Variants in TMC4 observed in about 807,000 individuals in gnomAD.
The protein encoded by TMC4 is transmembrane channel like 4, also known as voltage-gated chloride channel TMC4.
Under a neutral mutation model 82.0 loss-of-function variants are expected in TMC4, and 70 were observed. The observed-to-expected ratio is 0.85, with a 90% CI of 0.70 to 1.04. The LOEUF is 1.04. Ranked by LOEUF, TMC4 falls within the 50% of genes least tolerant of loss-of-function variation. The probability of loss-of-function intolerance (pLI) is 0.00; values close to 1 mark genes in which losing one functional copy is unlikely to be tolerated. For missense variants in TMC4, 879 were observed against 899.0 expected, an observed-to-expected ratio of 0.98 and a Z score of 0.28; for synonymous variants, 446 against 406.0, an observed-to-expected ratio of 1.10 and a Z score of -1.18.
In TMC4 at chr19:54,163,827, T is replaced by C; in HGVS notation, c.1174A>G (p.Ile392Val). 1.2e-6 allele frequency: 2 copies of C among 1,614,004 alleles called. No homozygotes were observed. Among genetic ancestry groups the C allele is most frequent in the Admixed American group, 1.7e-5 (1 of 59,994 alleles). ...ACAAAATTGACCCCAGCGATGAAGA[T>C]GGACGGAAGGTAATTCACCCCAAGC... ...LKLGVNYLPS[I>V]FIAGVNFVLP... The change falls in exon 8 of 15, where the codon ATC becomes GTC. Residue 392 changes from isoleucine to valine, a missense_variant. Transcript: ENST00000619895.
intron 11 of TMC4, among the ~76,000 whole-genome samples, 168 bp downstream of exon 11, chr19:54,161,934 G>C (rs568264566): frequency 2.6e-5 from 4 of 152,146 alleles, no homozygotes; most frequent in African/African-American, 9.6e-5. Flanking sequence ...AGACATATAA[G>C]TCAGAATGCC....
chr19:54,164,710 C>G, intron 6 of TMC4, 109 bp from the exon 7 acceptor site: 2 of 1,409,936 alleles, frequency 1.4e-6, no homozygotes, highest in Non-Finnish European at 1.9e-6. Context: ...CTGATGCAGC[C>G]GTCTCCCCAC....
At position 54,162,618 on chromosome 19, in the gene TMC4, G is replaced by A. The variant is rs1202190687; in HGVS notation, c.1502+55C>T. ...TGCGCGGTGAAAAGAACAGCGCGAT[G>A]GGGCACGGCCTCGTCCTAGAGGGGC... On this transcript the variant is annotated intron_variant, in intron 10 of 14. Transcript: ENST00000619895. 4 of 1,402,636 alleles carry A rather than the reference G, an allele frequency of 2.9e-6. No homozygotes were observed. The East Asian group carries it at 9.2e-5, about 32-fold the overall frequency. The allele number at this position is 1,402,636 out of a possible 1,614,324, so 86.9% of individuals were successfully genotyped here. A position where few individuals can be genotyped will look rare whatever the true frequency, so the allele number is the denominator to read the frequency against.
chr19:54,168,912 T>TTTCCTTCCTTCC (rs1237660940), intron 3 of TMC4, among the ~76,000 whole-genome samples: 2 of 11,478 alleles, frequency 1.7e-4, no homozygotes, highest in Non-Finnish European at 2.9e-4. Flanking sequence ...TTCTTCTTTC[T>TTTCCTTCCTTCC]TTCCTTCCTT....
In TMC4 at chr19:54,165,570, AGAGGG is replaced by A; in HGVS notation, c.798-9_798-5del. The A allele has an allele frequency of 1.3e-6, 2 of 1,596,412 alleles. No homozygotes were observed. The highest frequency in any genetic ancestry group is 1.7e-6 in the Non-Finnish European group (2 of 1,167,170). On this transcript the variant is annotated splice_region_variant and splice_polypyrimidine_tract_variant and intron_variant, in intron 5 of 14. Coordinates refer to ENST00000619895, the MANE Select transcript of TMC4 (RefSeq NM_144686.4). ...CTGCTTCAGCCCAGACACCGAGCTG[AGAGGG>A]GAGACCCGGGAGACGGGAAGTGAAA...
chr19:54,164,845 A>AC (rs2075661788), intron 6 of TMC4: 1 of 573,212 alleles, frequency 1.7e-6, no homozygotes, highest in Non-Finnish European at 3.1e-6. Context: ...CAATCTCAGC[A>AC]CCCCAGGCCC....
At chr19:54,168,974 C>CTT (rs1293187266) in intron 3 of TMC4, among the ~76,000 whole-genome samples, 16 of 11,486 alleles carry the variant, frequency 1.4e-3, no homozygotes, top group African/African-American at 1.6e-3. Flanking sequence ...CTTCTTCTTT[C>CTT]TCTCTCTCTC....
rs749944479 is a variant in TMC4, at chr19:54,161,001, C to T, written c.1850G>A (p.Arg617Gln). 6.2e-7 allele frequency: 1 copy of T among 1,614,142 alleles called. No individual in the cohort carries two copies. Among genetic ancestry groups the T allele is most frequent in the Non-Finnish European group, 8.5e-7 (1 of 1,180,022 alleles). The change falls in exon 13 of 15, where the codon CGG becomes CAG. Residue 617 changes from arginine to glutamine, a missense_variant. Coordinates refer to ENST00000619895, the MANE Select transcript of TMC4 (RefSeq NM_144686.4). ...IPPSKLCGPF[R>Q]GQSSIWAQIP... is the part of the protein sequence containing the mutation. Reference sequence around the variant, plus strand: ...CTGGGCCCAGATGGACGACTGCCCCCGGAATGGACCACACAGCTTAGAAGG... The same window carrying T: ...CTGGGCCCAGATGGACGACTGCCCCTGGAATGGACCACACAGCTTAGAAGG...
intron 8 of TMC4, 154 bp downstream of exon 8, chr19:54,163,570 A>T: frequency 3.3e-6 from 3 of 908,314 alleles, no homozygotes; most frequent in Non-Finnish European, 5.3e-6. Context: ...TGCTGGGATT[A>T]CAGGTGTGAG....
chr19:54,170,963 G>A (rs756227183), intron 2 of TMC4, among the ~76,000 whole-genome samples: 9 of 151,760 alleles, frequency 5.9e-5, no homozygotes, highest in Non-Finnish European at 1.0e-4. Flanking sequence ...TACTCAGGCC[G>A]CAGTATAGTG....
At chr19:54,164,758 C>T (rs2075659086) in intron 6 of TMC4, 157 bp from the exon 7 acceptor site, 1 of 937,468 alleles carries the variant, frequency 1.1e-6, no homozygotes, top group Admixed American at 2.8e-5. Context: ...CCACCTGCTC[C>T]AGGAAACCAG....
In TMC4 at chr19:54,162,736, T is replaced by G. The variant is rs2075597762; in HGVS notation, c.1439A>C (p.Lys480Thr). ...WETVLGQEMY[K>T]LLLFDLLTVL... Reference sequence around the variant, plus strand: ...AGTCAGCAGATCAAAGAGCAGAAGTTTGTACATTTCCTGGCCCAGGACAGT... The same window carrying G: ...AGTCAGCAGATCAAAGAGCAGAAGTGTGTACATTTCCTGGCCCAGGACAGT... Residue 480 changes from lysine (K) to threonine (T), a missense_variant, in exon 10 of 15, where the codon AAA becomes ACA. By Grantham distance (78) the Lys-to-Thr change is moderately conservative. Transcript: ENST00000619895. The G allele has an allele frequency of 6.2e-7, 1 of 1,613,772 alleles. No homozygotes were observed. Among genetic ancestry groups the G allele is most frequent in the African/African-American group, 1.3e-5 (1 of 74,802 alleles).
intron 11 of TMC4, 129 bp from the exon 12 acceptor site, chr19:54,161,389 C>T (rs566801380): frequency 5.5e-6 from 6 of 1,097,792 alleles, no homozygotes; most frequent in Non-Finnish European, 7.3e-6. Flanking sequence ...GACAGAGTCT[C>T]GCTCTGTCGC....
chr19:54,169,697 A>G (rs1159915203), intron 2 of TMC4, 37 bp from the exon 3 acceptor site: 2 of 1,607,640 alleles, frequency 1.2e-6, no homozygotes, highest in South Asian at 1.1e-5. Flanking sequence ...GGGGTTTCGC[A>G]GCCCCAGACT....
In TMC4 at chr19:54,162,224, C is replaced by T; in HGVS notation, c.1564G>A (p.Val522Met). Residue 522 changes from valine (V) to methionine (M), a missense_variant, in exon 11 of 15, where the codon GTG (valine) becomes ATG (methionine). Coordinates refer to ENST00000619895, the MANE Select transcript of TMC4 (RefSeq NM_144686.4). ...ATGAGCCCCAGCACCTCGTCGGGCA[C>T]CTGGAACTCTTGGGTCCCCGCCAGA... Reference protein sequence around the residue: ...GRLAGTQEFQVPDEVLGLIYA... With the variant: ...GRLAGTQEFQMPDEVLGLIYA... The T allele has an allele frequency of 6.2e-7, 1 of 1,612,406 alleles. No individual in the cohort carries two copies. Among genetic ancestry groups the T allele is most frequent in the Non-Finnish European group, 8.5e-7 (1 of 1,179,380 alleles).
chr19:54,165,819 G>A (rs912479037), intron 5 of TMC4, among the ~76,000 whole-genome samples: 1 of 152,086 alleles, frequency 6.6e-6, no homozygotes. Flanking sequence ...CTAGGAGACA[G>A]GGACAGAGCC....
Position 54,160,967 on chromosome 19 carries a change from C to G in TMC4, c.1884G>C (p.Glu628Asp). 6.2e-7 allele frequency: 1 copy of G among 1,614,156 alleles called. No individual in the cohort carries two copies. The highest frequency in any genetic ancestry group is 8.5e-7 in the Non-Finnish European group (1 of 1,180,024). ...GQSSIWAQIPESISSLPETTQ... is the reference protein window; with the variant it reads ...GQSSIWAQIPDSISSLPETTQ... ...TGGTCTCAGGGAGGCTGGAAATAGA[C>G]TCAGGGATCTGGGCCCAGATGGACG... The change falls in exon 13 of 15, where the codon GAG (glutamate) becomes GAC (aspartate). Residue 628 changes from glutamate to aspartate, a missense_variant. Glu to Asp is a conservative substitution (Grantham distance 45). Coordinates refer to ENST00000619895, the MANE Select transcript of TMC4 (RefSeq NM_144686.4).
rs1491523332 is a variant in TMC4, at chr19:54,163,309, T to TTTC, written c.1278-151_1278-150insGAA. 114 of 6,452 alleles carry TTTC rather than the reference T, an allele frequency of 0.018. No homozygotes were observed. In the Middle Eastern group the frequency reaches 0.21, roughly 12 times the overall value. The allele number at this position is 6,452 out of a possible 1,614,324, so 0.4% of individuals were successfully genotyped here. On this transcript the variant is annotated intron_variant, in intron 8 of 14. Coordinates refer to ENST00000619895, the MANE Select transcript of TMC4 (RefSeq NM_144686.4). The stretch of plus-strand genomic sequence containing the variant: ...CAGGATTTCTTTCTTTCTTTCTTTC[T>TTTC]TTTTTTTTTTTTTTTTTTTGAGACA...
At chr19:54,172,621 T>A in intron 1 of TMC4, 2 of 276,366 alleles carry the variant, frequency 7.2e-6, no homozygotes, top group Non-Finnish European at 6.6e-6. Flanking sequence ...CCCTCCTCCC[T>A]CAGGCCCAGG....
Sources: gnomAD v4.1 joint callset for allele counts (sites outside exome capture counted in the v4.1 genomes callset) on GRCh38, gnomAD v4.1.1 for gene constraint, MANE v1.5 for transcripts, NCBI Gene and HGNC (gene_info 2026-07-23, HGNC 2026-07-21) for gene names.